CACNA2D4: variants seen among roughly 807,000 people sequenced by gnomAD.
CACNA2D4 encodes voltage-dependent calcium channel subunit alpha-2/delta-4.
A neutral mutation model predicts 163.8 loss-of-function variants in CACNA2D4; 157 were observed. The ratio of observed to expected loss-of-function variants is 0.96; its 90% CI spans 0.84 to 1.09. The LOEUF (loss-of-function observed/expected upper bound fraction) is 1.09, where lower values mean the gene tolerates loss of function less well. Among genes scored for constraint, CACNA2D4 ranks in the 50% least tolerant of loss-of-function variants. The pLI, the probability that CACNA2D4 is intolerant of heterozygous loss-of-function variation, is 0.00. For missense variants in CACNA2D4, 1,410 were observed against 1,479.9 expected, an observed-to-expected ratio of 0.95 and a Z score of 0.78; for synonymous variants, 598 against 586.9, an observed-to-expected ratio of 1.02 and a Z score of -0.27.
At position 1,835,175 on chromosome 12, in the gene CACNA2D4, C is replaced by T. The variant is rs115189587; in HGVS notation, c.2551+5564G>A. 1.6e-3 allele frequency: 264 copies of T among 163,132 alleles called. 1 individual carries two copies. Among genetic ancestry groups the T allele is most frequent in the African/African-American group, 6.2e-3 (260 of 41,790 alleles). 10.1% of individuals were successfully genotyped at this position (163,132 alleles called of 1,614,324 possible). On this transcript the variant is annotated intron_variant, in intron 26 of 37. Coordinates refer to ENST00000382722, the MANE Select transcript of CACNA2D4 (RefSeq NM_172364.5). ...AGATTTCTGAGACTCTCTCCTAAGC[C>T]AGAAAGACGTTCTTAACACCCCTGC...
rs1865033982 is a variant in CACNA2D4, at chr12:1,841,976, C to T, written c.2471-1157G>A. ...TTCCCCACCTTGTGTCTACAGACATCTCGAAGGTGGTGATGTGGCAGCCCC... is the reference window on the plus strand; with the variant it reads ...TTCCCCACCTTGTGTCTACAGACATTTCGAAGGTGGTGATGTGGCAGCCCC... On this transcript the variant is annotated intron_variant, in intron 25 of 37. Coordinates refer to ENST00000382722, the MANE Select transcript of CACNA2D4 (RefSeq NM_172364.5). Among the ~76,000 whole-genome samples the T allele has an allele frequency of 2.0e-5, 3 of 152,224 alleles. No individual in the cohort carries two copies. In the South Asian group the frequency reaches 6.2e-4, roughly 32 times the overall value.
intron 4 of CACNA2D4, 46 bp downstream of exon 4, chr12:1,909,860 C>G: frequency 6.4e-7 from 1 of 1,567,274 alleles, no homozygotes; most frequent in Non-Finnish European, 8.8e-7. Flanking sequence ...ATCTGGTACT[C>G]AGGCGATCCT....
At chr12:1,810,242 C>T (rs1207349575) in intron 29 of CACNA2D4, 36 bp downstream of exon 29, 2 of 1,561,142 alleles carry the variant, frequency 1.3e-6, no homozygotes, top group Non-Finnish European at 1.8e-6. Flanking sequence ...CCTCCTGCCG[C>T]CCTCTCCCCC....
At chr12:1,805,108 G>C (rs1863487821) in intron 29 of CACNA2D4, among the ~76,000 whole-genome samples, 1 of 152,144 alleles carries the variant, frequency 6.6e-6, no homozygotes, top group African/African-American at 2.4e-5. Flanking sequence ...CCCCTTTCAT[G>C]GGGGACAATT....
intron 18 of CACNA2D4, among the ~76,000 whole-genome samples, chr12:1,868,208 G>A (rs778152282): frequency 2.6e-5 from 4 of 152,136 alleles, no homozygotes; most frequent in Non-Finnish European, 4.4e-5. Flanking sequence ...TGAAACAACT[G>A]AAGTATCTGT....
Position 1,896,652 on chromosome 12 carries a change from C to CAAAA in CACNA2D4, c.782-9584_782-9583insTTTT, listed in dbSNP as rs1184831451. On this transcript the variant is annotated intron_variant, in intron 6 of 37. Coordinates refer to ENST00000382722, the MANE Select transcript of CACNA2D4 (RefSeq NM_172364.5). ...ACACACACACACACACACACACACA[C>CAAAA]ACAAAACAGATGCTAGCAAGGATGC... Among the ~76,000 whole-genome samples, 1,131 of 117,262 alleles carry CAAAA rather than the reference C, an allele frequency of 9.6e-3. 25 individuals are homozygous for CAAAA. The highest frequency in any genetic ancestry group is 0.03 in the African/African-American group (975 of 31,978). 76.9% of individuals were successfully genotyped at this position (117,262 alleles called of 152,430 possible). A position where few individuals can be genotyped will look rare whatever the true frequency, so the allele number is the denominator to read the frequency against.
intron 6 of CACNA2D4, among the ~76,000 whole-genome samples, chr12:1,892,855 A>G (rs1350578879): frequency 6.6e-6 from 1 of 152,222 alleles, no homozygotes; most frequent in Non-Finnish European, 1.5e-5. Flanking sequence ...ATTAGATAAA[A>G]CAAACTTTAA....
At chr12:1,905,911 C>A (rs1256841172) in intron 6 of CACNA2D4, among the ~76,000 whole-genome samples, 3 of 152,080 alleles carry the variant, frequency 2.0e-5, no homozygotes, top group African/African-American at 7.2e-5. Context: ...GATGGAGGCA[C>A]ACTTCCTGAT....
Position 1,844,291 on chromosome 12 carries a change from G to C in CACNA2D4, c.2470+111C>G. 7.6e-7 allele frequency: 1 copy of C among 1,320,900 alleles called. No individual in the cohort carries two copies. Among genetic ancestry groups the C allele is most frequent in the Non-Finnish European group, 1.0e-6 (1 of 963,480 alleles). The allele number at this position is 1,320,900 out of a possible 1,614,324, so 81.8% of individuals were successfully genotyped here. ...GGCAGGAGGGGAACCCTGGTGGTCT[G>C]GACATTCTATTCCATATCTCGTTCC... On this transcript the variant is annotated intron_variant, in intron 25 of 37. Coordinates refer to ENST00000382722, the MANE Select transcript of CACNA2D4 (RefSeq NM_172364.5). This position sits in a 1 kb window ranked among gnomAD's most constrained non-coding sequence, Gnocchi z 4.2.
Position 1,800,042 on chromosome 12 carries a change from C to G in CACNA2D4, c.2932G>C (p.Glu978Gln), listed in dbSNP as rs1271990051. The G allele has an allele frequency of 9.4e-6, 15 of 1,601,660 alleles. No individual in the cohort carries two copies. Among genetic ancestry groups the G allele is most frequent in the Non-Finnish European group, 1.3e-5 (15 of 1,174,436 alleles). ...TACCAGGAGCCCCAGACACTCCACT[C>G]CAGCAGGAACCTGTCAGACACAGGA... is the stretch of plus-strand genomic sequence containing the variant. ...LLQELVLFLL[E>Q]WSVWGSWYDR... Residue 978 changes from glutamate (E) to glutamine (Q), a missense_variant, in exon 33 of 38, where the codon GAG (glutamate) becomes CAG (glutamine). Physicochemically the swap from Glu to Gln is conservative, Grantham distance 29 (BLOSUM62 2). Coordinates refer to ENST00000382722, the MANE Select transcript of CACNA2D4 (RefSeq NM_172364.5).
chr12:1,793,925 C>T (rs1863042364), intron 37 of CACNA2D4, among the ~76,000 whole-genome samples, 166 bp from the exon 38 acceptor site: 1 of 152,172 alleles, frequency 6.6e-6, no homozygotes, highest in African/African-American at 2.4e-5. Flanking sequence ...GGGGGAAAAG[C>T]AAAGGCTGGC....
At chr12:1,909,624 C>T (rs1335898791) in intron 4 of CACNA2D4, among the ~76,000 whole-genome samples, 1 of 152,252 alleles carries the variant, frequency 6.6e-6, no homozygotes, top group East Asian at 1.9e-4. Flanking sequence ...TGGGGGCAGA[C>T]CTCCTCTTCT....
chr12:1,904,968 A>T (rs867010604), intron 6 of CACNA2D4, among the ~76,000 whole-genome samples: 22 of 152,086 alleles, frequency 1.4e-4, no homozygotes, highest in Admixed American at 2.0e-4. Flanking sequence ...CATGGATAAA[A>T]CATAAAACTA....
intron 16 of CACNA2D4, among the ~76,000 whole-genome samples, chr12:1,876,146 A>G (rs953395466): frequency 1.3e-5 from 2 of 152,206 alleles, no homozygotes; most frequent in Non-Finnish European, 2.9e-5. Context: ...TCATCTTGCT[A>G]GTTTCAGCCC....
chr12:1,838,967 C>T (rs957065174), intron 26 of CACNA2D4, among the ~76,000 whole-genome samples: 1 of 152,204 alleles, frequency 6.6e-6, no homozygotes, highest in Admixed American at 6.5e-5. Context: ...CTGCAGGTGG[C>T]TGCATCGCAC....
At chr12:1,848,767 TTA>T (rs958133746) in intron 23 of CACNA2D4, among the ~76,000 whole-genome samples, 333 of 149,896 alleles carry the variant, frequency 2.2e-3, no homozygotes, top group African/African-American at 7.9e-3. Context: ...ATTGCAATTA[TTA>T]TTATTATTAT....
intron 26 of CACNA2D4, among the ~76,000 whole-genome samples, chr12:1,840,029 G>C (rs1864975992): frequency 6.6e-6 from 1 of 152,206 alleles, no homozygotes; most frequent in South Asian, 2.1e-4. Flanking sequence ...TACTGCAAAA[G>C]AGCTTTCGCA....
rs1232838332 is a variant in CACNA2D4, at chr12:1,834,929, C to T, written c.2551+5810G>A. On this transcript the variant is annotated intron_variant, in intron 26 of 37. Transcript: ENST00000382722. This position sits in a 1 kb window ranked among gnomAD's most constrained non-coding sequence, Gnocchi z 7.6. ...CGTGCTGGGGGCTCCTGCTGATGCTCCTGTCTGGGCCAGTAAATCTTTGGA... is the reference window on the plus strand; with the variant it reads ...CGTGCTGGGGGCTCCTGCTGATGCTTCTGTCTGGGCCAGTAAATCTTTGGA... 7 of 856,212 alleles carry T rather than the reference C, an allele frequency of 8.2e-6. No homozygotes were observed. The highest frequency in any genetic ancestry group is 3.7e-4 in the Middle Eastern group (1 of 2,710). 53.0% of individuals were successfully genotyped at this position (856,212 alleles called of 1,614,324 possible).
intron 6 of CACNA2D4, among the ~76,000 whole-genome samples, chr12:1,894,615 A>G (rs935452647): frequency 3.7e-5 from 1 of 27,070 alleles, no homozygotes; most frequent in Non-Finnish European, 6.2e-5. Flanking sequence ...AATATATGAC[A>G]TCAAAAGAAT....
Sources: gnomAD v4.1 joint callset for allele counts (sites outside exome capture counted in the v4.1 genomes callset) on GRCh38, gnomAD v4.1.1 for gene constraint, Gnocchi (gnomAD v3.1) non-coding constraint, MANE v1.5 for transcripts, NCBI Gene and HGNC (gene_info 2026-07-23, HGNC 2026-07-21) for gene names.